The following LTBP1 variants were observed in gnomAD, a reference collection of about 807,000 sequenced individuals.
LTBP1 encodes latent-transforming growth factor beta-binding protein 1.
In LTBP1, 129 loss-of-function variants were observed where a neutral mutation model predicts 207.6. The observed-to-expected ratio is 0.62, with a 90% CI of 0.54 to 0.72. LTBP1 has a LOEUF of 0.72. LTBP1 is among the 30% of genes least tolerant of loss of function. LTBP1 has a pLI of 0.00. For missense variants in LTBP1, 2,281 were observed against 2,217.2 expected (o/e 1.03, Z -0.58); for synonymous variants, 963 against 833.7 (o/e 1.16, Z -2.67).
chr2:33,006,286 A>G (rs1221038152), intron 2 of LTBP1, among the ~76,000 whole-genome samples: 15 of 152,034 alleles, frequency 9.9e-5, no homozygotes, highest in Admixed American at 9.2e-4. Context: ...CTTACTTCTG[A>G]CATACTCTGA....
At chr2:33,147,005 A>G (rs755056299) in intron 5 of LTBP1, among the ~76,000 whole-genome samples, 21 of 152,220 alleles carry the variant, frequency 1.4e-4, no homozygotes, top group Non-Finnish European at 2.5e-4. Flanking sequence ...CCCTGGAAGG[A>G]GAAGTGGATT....
intron 5 of LTBP1, among the ~76,000 whole-genome samples, chr2:33,183,323 C>G (rs1018955160): frequency 1.3e-5 from 2 of 152,240 alleles, no homozygotes; most frequent in East Asian, 3.9e-4. Context: ...TGATTTTTAT[C>G]CCTCTGAGAT....
chr2:33,136,472 G>T (rs938882605), intron 5 of LTBP1, among the ~76,000 whole-genome samples: 2 of 152,056 alleles, frequency 1.3e-5, no homozygotes, highest in East Asian at 3.9e-4. Flanking sequence ...TCAGCAATAA[G>T]TAATACTATT....
intron 5 of LTBP1, among the ~76,000 whole-genome samples, chr2:33,160,093 G>C (rs1451130069): frequency 6.6e-6 from 1 of 152,094 alleles, no homozygotes; most frequent in Non-Finnish European, 1.5e-5. Flanking sequence ...TGGCCAGGCT[G>C]GTCTTGAACT....
chr2:33,267,894 G>A (rs1275825625), intron 15 of LTBP1, among the ~76,000 whole-genome samples: 7 of 152,206 alleles, frequency 4.6e-5, no homozygotes, highest in Admixed American at 3.9e-4. Context: ...GCTATAGGAA[G>A]TTGTTAAAAC....
intron 13 of LTBP1, 44 bp from the exon 14 acceptor site, chr2:33,262,673 TTTCAA>T (rs1558907014): frequency 1.0e-6 from 1 of 986,036 alleles, no homozygotes; most frequent in Admixed American, 2.3e-5. Flanking sequence ...TAATTTCCAC[TTTCAA>T]TTCTTTTTTT....
At chr2:33,230,836 C>G (rs1407407232) in intron 9 of LTBP1, among the ~76,000 whole-genome samples, 1 of 152,184 alleles carries the variant, frequency 6.6e-6, no homozygotes, top group East Asian at 1.9e-4. Flanking sequence ...AAGTCACTTA[C>G]CAGTTTCAGT....
intron 20 of LTBP1, among the ~76,000 whole-genome samples, chr2:33,295,258 G>T (rs1213917243): frequency 6.6e-6 from 1 of 151,902 alleles, no homozygotes; most frequent in Non-Finnish European, 1.5e-5. Flanking sequence ...ATAAACGTAT[G>T]TACATGTGGC....
At chr2:33,390,903 C>T (rs1271370920) in intron 32 of LTBP1, among the ~76,000 whole-genome samples, 5 of 152,104 alleles carry the variant, frequency 3.3e-5, no homozygotes, top group Non-Finnish European at 7.4e-5. Flanking sequence ...GTGCACGAAG[C>T]GTCCTAGCCA....
intron 31 of LTBP1, among the ~76,000 whole-genome samples, chr2:33,367,757 A>T (rs2095011278): frequency 6.6e-6 from 1 of 152,142 alleles, no homozygotes; most frequent in Non-Finnish European, 1.5e-5. Flanking sequence ...ACAGGTGCAT[A>T]TGTGGAGGTT....
intron 2 of LTBP1, among the ~76,000 whole-genome samples, chr2:33,003,088 T>C (rs1315144549): frequency 2.0e-5 from 3 of 152,232 alleles, no homozygotes; most frequent in African/African-American, 7.2e-5. Flanking sequence ...GACTTTGTAC[T>C]GGTTGCCTGA....
At chr2:33,046,624 C>T (rs774932204) in intron 3 of LTBP1, among the ~76,000 whole-genome samples, 35 of 152,028 alleles carry the variant, frequency 2.3e-4, no homozygotes, top group African/African-American at 8.5e-4. Flanking sequence ...ATGCTGGCCT[C>T]ATAAAATGAG....
intron 3 of LTBP1, among the ~76,000 whole-genome samples, chr2:33,063,880 G>A (rs1226621393): frequency 6.7e-6 from 1 of 148,456 alleles, no homozygotes; most frequent in Non-Finnish European, 1.5e-5. Flanking sequence ...TTGAGATGGA[G>A]TCTCGCTCTG....
chr2:33,054,894 CACCTTCCAGTGA>C (rs1464908605), intron 3 of LTBP1, among the ~76,000 whole-genome samples: 2 of 152,184 alleles, frequency 1.3e-5, no homozygotes, highest in African/African-American at 4.8e-5. Context: ...TGGAGCAGTG[CACCTTCCAGTGA>C]TTGCCTCGGC....
In LTBP1 at chr2:33,177,763, C is replaced by T. The variant is rs529202335; in HGVS notation, c.1202-9093C>T. Among the ~76,000 whole-genome samples, 135 of 152,232 alleles carry T rather than the reference C, an allele frequency of 8.9e-4. 2 individuals are homozygous for T. The South Asian group carries it at 0.027, about 30-fold the overall frequency. On this transcript the variant is annotated intron_variant, in intron 5 of 33. Transcript: ENST00000404816. Reference sequence around the variant, plus strand: ...CTGCCAATGGAATATTATATAGCTACTAAAATCAATCATTAAGGCTCTGTA... The same window carrying T: ...CTGCCAATGGAATATTATATAGCTATTAAAATCAATCATTAAGGCTCTGTA...
intron 2 of LTBP1, among the ~76,000 whole-genome samples, chr2:33,004,814 T>TATATATATATATATAA (rs1178147190): frequency 7.0e-4 from 95 of 136,538 alleles, no homozygotes; most frequent in Non-Finnish European, 9.4e-4. Flanking sequence ...TATATATATA[T>TATATATATATATATAA]AAACATAAAA....
chr2:33,226,316 T>G (rs1489848881), intron 9 of LTBP1, among the ~76,000 whole-genome samples: 1 of 152,232 alleles, frequency 6.6e-6, no homozygotes, highest in Non-Finnish European at 1.5e-5. Flanking sequence ...TGCCTCTTAA[T>G]AGGGGTGTTT....
At chr2:33,213,707 T>C (rs888536071) in intron 7 of LTBP1, among the ~76,000 whole-genome samples, 1 of 152,242 alleles carries the variant, frequency 6.6e-6, no homozygotes, top group Non-Finnish European at 1.5e-5. Context: ...AGCCTCTTCA[T>C]AGTTAAATAA....
intron 5 of LTBP1, among the ~76,000 whole-genome samples, chr2:33,157,069 C>T (rs2084035785): frequency 6.6e-6 from 1 of 152,174 alleles, no homozygotes; most frequent in South Asian, 2.1e-4. Flanking sequence ...GGACTCCAGG[C>T]ATGCAGGGGA....
Sources: gnomAD v4.1 joint callset for allele counts (sites outside exome capture counted in the v4.1 genomes callset) on GRCh38, gnomAD v4.1.1 for gene constraint, MANE v1.5 for transcripts, NCBI Gene and HGNC (gene_info 2026-07-23, HGNC 2026-07-21) for gene names.